Variants in EYS observed in about 807,000 individuals in gnomAD.
EYS encodes the protein protein eyes shut homolog.
In EYS, 250 loss-of-function variants were observed where a neutral mutation model predicts 282.1. The ratio of observed to expected loss-of-function variants is 0.89; its 90% CI spans 0.80 to 0.98. The LOEUF is 0.98. Among genes scored for constraint, EYS ranks in the 50% least tolerant of loss-of-function variants. The pLI is 0.00. For synonymous variants in EYS, 1,355 were observed against 1,282.9 expected (o/e 1.06, Z -1.20); for missense variants, 4,016 against 3,709.0 (o/e 1.08, Z -2.15).
At chr6:64,453,865 G>T (rs543695934) in intron 26 of EYS, among the ~76,000 whole-genome samples, 1 of 152,088 alleles carries the variant, frequency 6.6e-6, no homozygotes, top group East Asian at 1.9e-4. Flanking sequence ...TGTGGCGTGG[G>T]GGGAGTGGGG....
chr6:65,415,997 G>A (rs1767218138), intron 5 of EYS, among the ~76,000 whole-genome samples: 1 of 151,908 alleles, frequency 6.6e-6, no homozygotes, highest in Non-Finnish European at 1.5e-5. Context: ...GTTACAACGC[G>A]AGGAGAGAGG....
intron 35 of EYS, among the ~76,000 whole-genome samples, chr6:63,960,650 A>G (rs549138033): frequency 2.0e-5 from 3 of 152,328 alleles, no homozygotes; most frequent in African/African-American, 7.2e-5. Context: ...TTCAGTGACC[A>G]CTACTCTGGT....
At chr6:64,414,652 G>T (rs556701653) in intron 28 of EYS, among the ~76,000 whole-genome samples, 3 of 152,190 alleles carry the variant, frequency 2.0e-5, no homozygotes, top group Admixed American at 6.5e-5. Flanking sequence ...CTGGGCAGAG[G>T]GTGGTGAGGT....
At chr6:64,029,765 G>A (rs1275440291) in intron 33 of EYS, among the ~76,000 whole-genome samples, 1 of 152,168 alleles carries the variant, frequency 6.6e-6, no homozygotes, top group African/African-American at 2.4e-5. Flanking sequence ...TTCCCCCAGG[G>A]ACCAGTGCCC....
At chr6:64,136,899 C>G (rs974400826) in intron 31 of EYS, among the ~76,000 whole-genome samples, 12 of 152,154 alleles carry the variant, frequency 7.9e-5, no homozygotes, top group Non-Finnish European at 1.8e-4. Context: ...GATTCCCTAA[C>G]AAGAAAGTCA....
At chr6:64,119,001 T>A (rs116659197) in intron 31 of EYS, among the ~76,000 whole-genome samples, 2,933 of 152,152 alleles carry the variant, frequency 0.019, 79 homozygotes, top group African/African-American at 0.066. Context: ...GAGATATCAT[T>A]TTTCTCCAGT....
At chr6:65,592,661 A>G (rs1389626242) in intron 2 of EYS, among the ~76,000 whole-genome samples, 1 of 151,964 alleles carries the variant, frequency 6.6e-6, no homozygotes, top group Non-Finnish European at 1.5e-5. Flanking sequence ...CTAAAAAAGG[A>G]GCTTAACTCA....
At chr6:63,737,506 A>T (rs150914196) in intron 41 of EYS, among the ~76,000 whole-genome samples, 3 of 151,918 alleles carry the variant, frequency 2.0e-5, no homozygotes, top group African/African-American at 7.3e-5. Flanking sequence ...TTTATTGAGG[A>T]TTTTTGCATC....
intron 1 of EYS, among the ~76,000 whole-genome samples, chr6:65,642,047 T>C (rs966356601): frequency 1.1e-4 from 17 of 152,148 alleles, no homozygotes; most frequent in African/African-American, 3.4e-4. Context: ...TTATAAAAAA[T>C]AGATTTGCTT....
intron 26 of EYS, among the ~76,000 whole-genome samples, chr6:64,548,604 C>T (rs1339334809): frequency 1.3e-5 from 2 of 151,962 alleles, no homozygotes; most frequent in Admixed American, 6.6e-5. Context: ...CGCATGTTCT[C>T]ACTCATAGGT....
At chr6:64,689,988 A>C (rs1297692773) in intron 22 of EYS, among the ~76,000 whole-genome samples, 1 of 152,146 alleles carries the variant, frequency 6.6e-6, no homozygotes, top group Non-Finnish European at 1.5e-5. Flanking sequence ...GGATCTAATT[A>C]AACTAAAGAG....
At chr6:65,026,136 A>C (rs73437279) in intron 13 of EYS, among the ~76,000 whole-genome samples, 24,567 of 152,110 alleles carry the variant, frequency 0.16, 2,149 homozygotes, top group South Asian at 0.21. Context: ...TCAGTCGCTT[A>C]TTTTATTTAT....
intron 18 of EYS, among the ~76,000 whole-genome samples, chr6:64,901,838 C>T (rs1374791012): frequency 2.6e-5 from 4 of 152,126 alleles, no homozygotes; most frequent in Admixed American, 1.3e-4. Flanking sequence ...AGACTCTACA[C>T]AATATTGTTT....
At chr6:64,886,050 T>C (rs958024904) in intron 19 of EYS, among the ~76,000 whole-genome samples, 1 of 147,608 alleles carries the variant, frequency 6.8e-6, no homozygotes, top group African/African-American at 2.5e-5. Context: ...AAAATACATA[T>C]GAAACAAAAT....
intron 29 of EYS, among the ~76,000 whole-genome samples, chr6:64,354,626 T>C (rs1433534000): frequency 6.6e-6 from 1 of 151,564 alleles, no homozygotes. Context: ...TAATAGAAAA[T>C]TGCTATTCTG....
At chr6:64,252,533 C>T (rs1767256114) in intron 30 of EYS, among the ~76,000 whole-genome samples, 1 of 152,088 alleles carries the variant, frequency 6.6e-6, no homozygotes, top group Non-Finnish European at 1.5e-5. Context: ...CTTCTTAGAA[C>T]ATTCAGAGAC....
At chr6:64,515,072 T>C (rs1777524224) in intron 26 of EYS, among the ~76,000 whole-genome samples, 1 of 151,798 alleles carries the variant, frequency 6.6e-6, no homozygotes, top group African/African-American at 2.4e-5. Flanking sequence ...ACTTCCACTG[T>C]TGATTTTCTA....
intron 12 of EYS, among the ~76,000 whole-genome samples, chr6:65,201,773 G>A (rs1054842029): frequency 2.0e-5 from 3 of 152,010 alleles, no homozygotes; most frequent in African/African-American, 4.8e-5. Flanking sequence ...CTTGTGGTCT[G>A]GAGGTCATGA....
chr6:63,765,416 C>G (rs1044701634), intron 40 of EYS, among the ~76,000 whole-genome samples: 5 of 151,312 alleles, frequency 3.3e-5, no homozygotes, highest in African/African-American at 1.2e-4. Context: ...TGAGATTTGC[C>G]CGTATAAATG....
Sources: gnomAD v4.1 joint callset for allele counts (sites outside exome capture counted in the v4.1 genomes callset) on GRCh38, gnomAD v4.1.1 for gene constraint, MANE v1.5 for transcripts, NCBI Gene and HGNC (gene_info 2026-07-23, HGNC 2026-07-21) for gene names.